LRP1B: variants seen among roughly 807,000 people sequenced by gnomAD.
LRP1B encodes low-density lipoprotein receptor-related protein 1B.
LRP1B carries 217 observed loss-of-function variants against 556.6 expected under a neutral mutation model. That is an observed-to-expected ratio of 0.39 (90% confidence interval 0.35 to 0.44). The LOEUF (loss-of-function observed/expected upper bound fraction) is 0.44. Among genes scored for constraint, LRP1B ranks in the 20% least tolerant of loss-of-function variants. The pLI, the probability that LRP1B is intolerant of heterozygous loss-of-function variation, is 1.00. For missense variants in LRP1B, 5,053 were observed against 5,620.8 expected, an observed-to-expected ratio of 0.90 and a Z score of 3.23; for synonymous variants, 2,047 against 1,865.8, an observed-to-expected ratio of 1.10 and a Z score of -2.50.
chr2:141,540,546 C>A (rs12992656), intron 2 of LRP1B, among the ~76,000 whole-genome samples: 11,332 of 151,886 alleles, frequency 0.075, 526 homozygotes, highest in South Asian at 0.13. Flanking sequence ...TCATAGAAAG[C>A]CAGAGACTTT....
intron 1 of LRP1B, among the ~76,000 whole-genome samples, chr2:141,822,299 A>T (rs764014509): frequency 7.9e-5 from 12 of 152,104 alleles, no homozygotes; most frequent in Non-Finnish European, 1.5e-4. Context: ...TCTTTTCTGA[A>T]ATTTCAGTAG....
At chr2:140,727,136 T>G (rs895394671) in intron 35 of LRP1B, among the ~76,000 whole-genome samples, 1 of 152,208 alleles carries the variant, frequency 6.6e-6, no homozygotes, top group Non-Finnish European at 1.5e-5. Context: ...ATATGATTTA[T>G]AAGTAAATAG....
chr2:142,051,364 G>A (rs1490532880), intron 1 of LRP1B, among the ~76,000 whole-genome samples: 2 of 151,932 alleles, frequency 1.3e-5, no homozygotes, highest in Non-Finnish European at 2.9e-5. Flanking sequence ...ACAATCAAAG[G>A]TATATCCATA....
intron 1 of LRP1B, among the ~76,000 whole-genome samples, chr2:141,894,875 C>T (rs755606586): frequency 5.3e-5 from 8 of 150,984 alleles, no homozygotes; most frequent in Non-Finnish European, 8.9e-5. Flanking sequence ...TATGGAGAAA[C>T]CCTGTCTCTA....
intron 43 of LRP1B, among the ~76,000 whole-genome samples, chr2:140,588,374 T>C (rs1228494412): frequency 2.0e-5 from 3 of 152,156 alleles, no homozygotes; most frequent in African/African-American, 7.2e-5. Flanking sequence ...GACTGATAAG[T>C]AATGAATATA....
At chr2:141,660,995 C>A (rs1690197910) in intron 2 of LRP1B, among the ~76,000 whole-genome samples, 1 of 152,106 alleles carries the variant, frequency 6.6e-6, no homozygotes, top group African/African-American at 2.4e-5. Flanking sequence ...TCTGCAGCCT[C>A]CACTGGTGAC....
chr2:140,502,524 A>G (rs190560474), intron 54 of LRP1B, among the ~76,000 whole-genome samples: 2 of 152,138 alleles, frequency 1.3e-5, no homozygotes, highest in Admixed American at 1.3e-4. Flanking sequence ...TAGAGAAGTG[A>G]TAAACAGACC....
chr2:141,447,987 C>T (rs753100735), intron 3 of LRP1B, among the ~76,000 whole-genome samples: 2 of 152,226 alleles, frequency 1.3e-5, no homozygotes, highest in African/African-American at 4.8e-5. Context: ...TAGGCAGGAA[C>T]ATTTAAGTTG....
rs61122324 is a variant in LRP1B, at chr2:141,985,509, A to T, written c.82+145139T>A. Among the ~76,000 whole-genome samples, 798 of 144,874 alleles carry T rather than the reference A, an allele frequency of 5.5e-3. 9 individuals carry two copies. Among genetic ancestry groups the T allele is most frequent in the African/African-American group, 0.019 (778 of 40,868 alleles). On this transcript the variant is annotated intron_variant, in intron 1 of 90. Coordinates refer to ENST00000389484, the MANE Select transcript of LRP1B (RefSeq NM_018557.3). ...TCCTTTCAAACAGACGAGAATTTTT[A>T]TTTTTTTGGGGGGGGTATCTTTTCC... is the stretch of plus-strand genomic sequence containing the variant.
At chr2:140,251,277 A>G (rs1240818266) in intron 86 of LRP1B, among the ~76,000 whole-genome samples, 1 of 151,862 alleles carries the variant, frequency 6.6e-6, no homozygotes, top group Non-Finnish European at 1.5e-5. Context: ...GCATAACTGT[A>G]AGACATATAA....
chr2:140,960,196 A>T (rs1695994200), intron 18 of LRP1B, among the ~76,000 whole-genome samples: 1 of 151,760 alleles, frequency 6.6e-6, no homozygotes, highest in South Asian at 2.1e-4. Context: ...ATAAAAGGAA[A>T]GCAAAGCACT....
Position 141,162,510 on chromosome 2 carries a change from CTA to C in LRP1B, c.1013+25909_1013+25910del, listed in dbSNP as rs1417905402. ...CCTGCATCTCATACTGCCTGCGGTACTATGAGTCATAAAGTACTCTATCTTTG... is the reference window on the plus strand; with the variant it reads ...CCTGCATCTCATACTGCCTGCGGTACTGAGTCATAAAGTACTCTATCTTTG... On this transcript the variant is annotated intron_variant, in intron 7 of 90. Transcript: ENST00000389484. Among the ~76,000 whole-genome samples, 16 of 152,062 alleles carry C rather than the reference CTA, an allele frequency of 1.1e-4. 1 individual carries two copies. Among genetic ancestry groups the C allele is most frequent in the Admixed American group, 7.2e-4 (11 of 15,230 alleles).
chr2:140,302,647 C>T (rs909630786), intron 83 of LRP1B, among the ~76,000 whole-genome samples: 1 of 152,090 alleles, frequency 6.6e-6, no homozygotes, highest in Non-Finnish European at 1.5e-5. Flanking sequence ...GATATTTCCT[C>T]ACCAGTGTGG....
At chr2:140,246,643 G>T (rs903792783) in intron 87 of LRP1B, among the ~76,000 whole-genome samples, 2 of 151,294 alleles carry the variant, frequency 1.3e-5, no homozygotes, top group South Asian at 2.1e-4. Flanking sequence ...TTGTTAACTT[G>T]CTTCTCTTTC....
At chr2:141,584,689 A>C (rs1383879241) in intron 2 of LRP1B, among the ~76,000 whole-genome samples, 1 of 152,216 alleles carries the variant, frequency 6.6e-6, no homozygotes, top group Non-Finnish European at 1.5e-5. Flanking sequence ...CATTTAAGTC[A>C]AGTGAGATGA....
intron 66 of LRP1B, among the ~76,000 whole-genome samples, chr2:140,394,640 C>G (rs913157637): frequency 1.3e-5 from 2 of 151,936 alleles, no homozygotes; most frequent in Admixed American, 1.3e-4. Flanking sequence ...CTTAGTCACA[C>G]GACAACACAA....
chr2:141,544,327 TCTTCTTCTTC>T lies in LRP1B; in HGVS notation c.206-63804_206-63795del, dbSNP rs1236052666. Among the ~76,000 whole-genome samples, 31 of 61,664 alleles carry T rather than the reference TCTTCTTCTTC, an allele frequency of 5.0e-4. 1 individual carries two copies. Among genetic ancestry groups the T allele is most frequent in the African/African-American group, 1.9e-3 (29 of 14,988 alleles). 40.5% of individuals were successfully genotyped at this position (61,664 alleles called of 152,430 possible). ...TTCTTCTTCTTCTTCTTCTTCTTCT[TCTTCTTCTTC>T]TTCTTCTTCTTCTTCTTCTTCTTCT... On this transcript the variant is annotated intron_variant, in intron 2 of 90. Transcript: ENST00000389484.
At chr2:141,968,416 C>A (rs971266213) in intron 1 of LRP1B, among the ~76,000 whole-genome samples, 1 of 150,986 alleles carries the variant, frequency 6.6e-6, no homozygotes, top group Non-Finnish European at 1.5e-5. Context: ...TTTTTTTTCC[C>A]TAAATTCCTT....
chr2:141,510,236 C>CACACACACACACACACACACACACACA (rs1553524111), intron 2 of LRP1B, among the ~76,000 whole-genome samples: 1 of 132,160 alleles, frequency 7.6e-6, no homozygotes, highest in African/African-American at 2.7e-5. Context: ...ACACACACAC[C>CACACACACACACACACACACACACACA]CCCCACAGTC....
Sources: allele counts gnomAD v4.1 joint callset (sites outside exome capture counted in the v4.1 genomes callset), GRCh38; gene constraint gnomAD v4.1.1; transcripts MANE v1.5; gene names NCBI Gene and HGNC (gene_info 2026-07-23, HGNC 2026-07-21).